The following CNOT1 variants were observed in gnomAD, a reference collection of about 807,000 sequenced individuals.
The protein encoded by CNOT1 is CCR4-NOT transcription complex subunit 1.
In CNOT1, 15 loss-of-function variants were observed where a neutral mutation model predicts 273.8. That is an observed-to-expected ratio of 0.05 (90% confidence interval 0.04 to 0.08). The LOEUF (loss-of-function observed/expected upper bound fraction) is 0.08. Ranked by LOEUF, CNOT1 falls within the 10% of genes least tolerant of loss-of-function variation. The pLI is 1.00. For missense variants in CNOT1, 1,644 were observed against 2,912.2 expected, an observed-to-expected ratio of 0.56 and a Z score of 10.02; for synonymous variants, 1,022 against 1,005.5, an observed-to-expected ratio of 1.02 and a Z score of -0.31.
intron 44 of CNOT1, chr16:58,528,253 C>T (rs1397252115): frequency 1.7e-6 from 1 of 591,788 alleles, no homozygotes; most frequent in Non-Finnish European, 3.0e-6. Flanking sequence ...AATATGAAAA[C>T]TAGCAACTAG....
At chr16:58,587,744 A>G in intron 4 of CNOT1, 36 bp downstream of exon 4, 1 of 1,600,970 alleles carries the variant, frequency 6.2e-7, no homozygotes, top group Non-Finnish European at 8.5e-7. Flanking sequence ...AAGCCTAAGG[A>G]GAGATCACAC....
At chr16:58,556,339 G>T (rs1046543851) in intron 19 of CNOT1, among the ~76,000 whole-genome samples, 1 of 152,168 alleles carries the variant, frequency 6.6e-6, no homozygotes, top group African/African-American at 2.4e-5. Context: ...TCACACTAAC[G>T]TTATCAAGTC....
chr16:58,529,658 T>C (rs970519698), intron 43 of CNOT1, among the ~76,000 whole-genome samples: 1 of 151,674 alleles, frequency 6.6e-6, no homozygotes, highest in African/African-American at 2.4e-5. Flanking sequence ...GCCAATGTAA[T>C]GAGATCCCCC....
intron 31 of CNOT1, chr16:58,543,178 T>C: frequency 6.9e-7 from 1 of 1,452,494 alleles, no homozygotes; most frequent in South Asian, 1.3e-5. Flanking sequence ...CCTGAATTAT[T>C]AACCATGATA....
chr16:58,625,717 G>A (rs925672656), intron 1 of CNOT1, among the ~76,000 whole-genome samples: 4 of 151,542 alleles, frequency 2.6e-5, no homozygotes, highest in Non-Finnish European at 4.4e-5. Flanking sequence ...TTTTTGACAC[G>A]TGTGGTTAGC....
In CNOT1 at chr16:58,532,043, G is replaced by A; in HGVS notation, c.6092C>T (p.Ala2031Val). The stretch of plus-strand genomic sequence containing the variant: ...AAGCCAGGCATATACAAAGCCAGGA[G>A]CTTTGGTAGGCCTCAAGATGTGGAA... ...NTFHILRPTK[A>V]PGFVYAWLEL... Residue 2031 changes from alanine to valine, a missense_variant, in exon 42 of 49, where the codon GCT becomes GTT. By Grantham distance (64) the Ala-to-Val change is moderately conservative. This residue lies in a region of CNOT1 where 133 missense variants were observed against 328.2 expected (regional missense o/e 0.41). Coordinates refer to ENST00000317147, the MANE Select transcript of CNOT1 (RefSeq NM_016284.5). 1 of 1,614,176 alleles carries A rather than the reference G, an allele frequency of 6.2e-7. No homozygotes were observed. The highest frequency in any genetic ancestry group is 8.5e-7 in the Non-Finnish European group (1 of 1,180,040).
chr16:58,533,213 T>C (rs2039822112), intron 40 of CNOT1: 1 of 152,288 alleles, frequency 6.6e-6, no homozygotes, highest in Admixed American at 6.5e-5. Flanking sequence ...ACAAAATGTT[T>C]GGGGGAAGGG....
intron 46 of CNOT1, among the ~76,000 whole-genome samples, chr16:58,524,970 A>G (rs555322545): frequency 1.3e-5 from 2 of 152,256 alleles, no homozygotes; most frequent in African/African-American, 2.4e-5. Context: ...ACGATTCTGG[A>G]TAATTCTTTC....
At chr16:58,584,984 A>G (rs1270923807) in intron 8 of CNOT1, among the ~76,000 whole-genome samples, 1 of 152,212 alleles carries the variant, frequency 6.6e-6, no homozygotes, top group East Asian at 1.9e-4. Flanking sequence ...GGTGGGGGTC[A>G]GAGAGGAGAA....
intron 16 of CNOT1, among the ~76,000 whole-genome samples, chr16:58,563,542 A>G (rs1291452739): frequency 6.6e-6 from 1 of 152,230 alleles, no homozygotes; most frequent in Non-Finnish European, 1.5e-5. Flanking sequence ...TTTAGAAACA[A>G]GTAGAACATT....
intron 16 of CNOT1, among the ~76,000 whole-genome samples, chr16:58,563,735 A>G (rs2040941521): frequency 6.6e-6 from 1 of 152,244 alleles, no homozygotes; most frequent in Non-Finnish European, 1.5e-5. Flanking sequence ...CACATACTAT[A>G]TTAGCAAGGC....
chr16:58,592,211 G>T (rs760109525), intron 2 of CNOT1, among the ~76,000 whole-genome samples: 62 of 151,988 alleles, frequency 4.1e-4, no homozygotes, highest in Admixed American at 2.8e-3. Flanking sequence ...TGTAACCCAA[G>T]ATTTTGTTTA....
chr16:58,597,398 C>T (rs1036612229), intron 2 of CNOT1, among the ~76,000 whole-genome samples: 11 of 151,856 alleles, frequency 7.2e-5, no homozygotes, highest in African/African-American at 2.7e-4. Context: ...TTGCTTGAAC[C>T]CAGGAAAAGG....
chr16:58,581,656 C>CT (rs978172122), intron 10 of CNOT1, 141 bp from the exon 11 acceptor site: 704 of 1,273,432 alleles, frequency 5.5e-4, no homozygotes, highest in Non-Finnish European at 5.9e-4. Context: ...GAAACCCATT[C>CT]TTTTTTTTTC....
At chr16:58,550,049 G>A in intron 24 of CNOT1, 151 bp from the exon 25 acceptor site, 1 of 1,237,598 alleles carries the variant, frequency 8.1e-7, no homozygotes, top group Non-Finnish European at 1.1e-6. Context: ...TAGATGCTAT[G>A]AAGAAAAGTA....
rs865907559 is a variant in CNOT1 at position 58,524,246 on chromosome 16, T to C, written c.6785-744A>G. On this transcript the variant is annotated intron_variant, in intron 46 of 48. Coordinates refer to ENST00000317147, the MANE Select transcript of CNOT1 (RefSeq NM_016284.5). ...GCCTGGGTGTGAGAGCAAGACTCTATCGCAAAAAAAAAAAAAAAAAAAAGT... is the reference window on the plus strand; with the variant it reads ...GCCTGGGTGTGAGAGCAAGACTCTACCGCAAAAAAAAAAAAAAAAAAAAGT... Among the ~76,000 whole-genome samples the C allele has an allele frequency of 6.9e-4, 55 of 80,082 alleles. No individual in the cohort carries two copies. The East Asian group carries it at 0.025, about 36-fold the overall frequency. 52.5% of individuals were successfully genotyped at this position (80,082 alleles called of 152,430 possible).
At chr16:58,559,997 G>C in intron 17 of CNOT1, 1 of 1,315,522 alleles carries the variant, frequency 7.6e-7, no homozygotes, top group Non-Finnish European at 1.1e-6. Flanking sequence ...TAAATAAATT[G>C]TCTGTATATT....
At chr16:58,618,014 T>C (rs916129596) in intron 1 of CNOT1, among the ~76,000 whole-genome samples, 3 of 152,032 alleles carry the variant, frequency 2.0e-5, no homozygotes, top group African/African-American at 7.2e-5. Flanking sequence ...TCTATAAAAT[T>C]AAAGAAAAAA....
chr16:58,566,993 CA>C (rs1249729471), intron 16 of CNOT1, among the ~76,000 whole-genome samples: 1 of 151,902 alleles, frequency 6.6e-6, no homozygotes, highest in East Asian at 1.9e-4. Context: ...TTATAACAGC[CA>C]AAAAGACCAT....
Sources: allele counts gnomAD v4.1 joint callset (sites outside exome capture counted in the v4.1 genomes callset), GRCh38; gene constraint gnomAD v4.1.1; regional missense constraint gnomAD v4.1.1; transcripts MANE v1.5; gene names NCBI Gene and HGNC (gene_info 2026-07-23, HGNC 2026-07-21).